OBI1: variants seen among roughly 807,000 people sequenced by gnomAD.
OBI1 encodes the protein ring finger protein 219.
OBI1 carries 59 observed loss-of-function variants against 62.4 expected under a neutral mutation model. The ratio of observed to expected loss-of-function variants is 0.95; its 90% confidence interval spans 0.77 to 1.17. The LOEUF is 1.17. Among genes scored for constraint, OBI1 ranks in the 50% most tolerant of loss-of-function variants. The pLI is 0.00. For missense variants in OBI1, 875 were observed against 830.9 expected (o/e 1.05, Z -0.65); for synonymous variants, 302 against 292.8 (o/e 1.03, Z -0.32).
At chr13:78,647,200 C>T (rs1250713917) in intron 1 of OBI1, among the ~76,000 whole-genome samples, 3 of 152,216 alleles carry the variant, frequency 2.0e-5, no homozygotes, top group Non-Finnish European at 4.4e-5. Flanking sequence ...CTGACCGTCC[C>T]CCAGCCTGAC....
chr13:78,638,868 A>C lies in OBI1; in HGVS notation c.504T>G (p.Asn168Lys). 1.2e-6 allele frequency: 2 copies of C among 1,613,734 alleles called. No homozygotes were observed. Among genetic ancestry groups the C allele is most frequent in the Non-Finnish European group, 1.7e-6 (2 of 1,179,874 alleles). Residue 168 changes from asparagine (N) to lysine (K), a missense_variant, in exon 4 of 6, where the codon AAT becomes AAG. Physicochemically the swap from Asn to Lys is moderately conservative, Grantham distance 94. Coordinates refer to ENST00000282003, the MANE Select transcript of OBI1 (RefSeq NM_024546.4). ...CATCTTTCACTTTTTCATAGATTTC[A>C]TTAGCTGTTCTGAGTTTTTTCTTCC... ...AEWKKKLRTANEIYEKVKDDV... is the reference protein window; with the variant it reads ...AEWKKKLRTAKEIYEKVKDDV...
At chr13:78,631,753 A>G (rs563877324) in intron 5 of OBI1, among the ~76,000 whole-genome samples, 1 of 152,312 alleles carries the variant, frequency 6.6e-6, no homozygotes, top group South Asian at 2.1e-4. Flanking sequence ...ATTGAAACCT[A>G]GAAGAACATG....
At chr13:78,640,418 AACT>A (rs1483066574) in intron 3 of OBI1, among the ~76,000 whole-genome samples, 1 of 152,170 alleles carries the variant, frequency 6.6e-6, no homozygotes, top group East Asian at 1.9e-4. Context: ...ATAGTTATTA[AACT>A]ACATTATTTT....
At chr13:78,620,735 C>G in intron 5 of OBI1, 1 of 438,768 alleles carries the variant, frequency 2.3e-6, no homozygotes, top group South Asian at 1.6e-5. Flanking sequence ...GGTGGTATAA[C>G]TAAACTAAAG....
chr13:78,617,319 T>TA lies in OBI1; in HGVS notation c.639-198dup, dbSNP rs1875344558. ...TTACATAATAATAAACATATGATAA[T>TA]AATAGCAAAACCTAATAGGATATTT... On this transcript the variant is annotated intron_variant, in intron 5 of 5. Coordinates refer to ENST00000282003, the MANE Select transcript of OBI1 (RefSeq NM_024546.4). 12 of 463,696 alleles carry TA rather than the reference T, an allele frequency of 2.6e-5. No individual in the cohort carries two copies. In the East Asian group the frequency reaches 4.0e-4, roughly 15 times the overall value. 28.7% of individuals were successfully genotyped at this position (463,696 alleles called of 1,614,324 possible).
chr13:78,627,497 A>G (rs1014277001), intron 5 of OBI1, among the ~76,000 whole-genome samples: 15 of 152,102 alleles, frequency 9.9e-5, no homozygotes, highest in Non-Finnish European at 5.9e-5. Flanking sequence ...TCAATGTTCA[A>G]TTTCCACTTA....
At chr13:78,633,935 C>T (rs1298469623) in intron 5 of OBI1, among the ~76,000 whole-genome samples, 3 of 151,768 alleles carry the variant, frequency 2.0e-5, no homozygotes, top group Admixed American at 6.6e-5. Flanking sequence ...GGCGAGGTGG[C>T]GGGTGCCTGT....
chr13:78,641,723 T>C, intron 3 of OBI1, among the ~76,000 whole-genome samples: 1 of 152,042 alleles, frequency 6.6e-6, no homozygotes. Flanking sequence ...CAGAAGCAAC[T>C]GATGACTGCA....
chr13:78,631,566 A>G (rs149656106), intron 5 of OBI1, among the ~76,000 whole-genome samples: 28 of 152,294 alleles, frequency 1.8e-4, no homozygotes, highest in Admixed American at 3.3e-4. Flanking sequence ...TTAGGAGTCC[A>G]AGTTAGGGGA....
intron 5 of OBI1, among the ~76,000 whole-genome samples, chr13:78,633,992 C>G (rs1053564153): frequency 1.3e-5 from 2 of 150,940 alleles, no homozygotes; most frequent in Admixed American, 6.6e-5. Context: ...GCGTAAACCC[C>G]GGGGGGCGGA....
At chr13:78,645,849 C>T (rs9593351) in intron 1 of OBI1, among the ~76,000 whole-genome samples, 40,515 of 151,976 alleles carry the variant, frequency 0.27, 5,706 homozygotes, top group East Asian at 0.32. Flanking sequence ...GGGGTTTCAC[C>T]ACATTGGTCA....
chr13:78,649,152 A>T (rs1168286286), intron 1 of OBI1, among the ~76,000 whole-genome samples: 1 of 152,210 alleles, frequency 6.6e-6, no homozygotes, highest in African/African-American at 2.4e-5. Context: ...TCAACAAGGC[A>T]GGTTTTGAGT....
intron 5 of OBI1, among the ~76,000 whole-genome samples, chr13:78,634,087 CAAAAA>C (rs1566280438): frequency 8.2e-6 from 1 of 122,038 alleles, no homozygotes; most frequent in African/African-American, 3.0e-5. Flanking sequence ...AAACAAAAAA[CAAAAA>C]ACAAAAAAAA....
rs9565430 is a variant in OBI1 at position 78,659,116 on chromosome 13, G to T, written c.5C>A (p.Ala2Asp). ...CAATGTAACATTCTGCACGGTCTGA[G>T]CCATGGCAGCGTTCAGAATCCCGCC... M[A>D]QTVQNVTLSL... The change falls in exon 1 of 6, where the codon GCT (alanine) becomes GAT (aspartate). Residue 2 changes from alanine to aspartate, a missense_variant. Transcript: ENST00000282003. The T allele has an allele frequency of 1.2e-6, 2 of 1,611,154 alleles. No individual in the cohort carries two copies. Among genetic ancestry groups the T allele is most frequent in the African/African-American group, 1.3e-5 (1 of 74,790 alleles).
chr13:78,615,397 C>A lies in OBI1; in HGVS notation c.*183G>T. On this transcript the variant is annotated 3_prime_UTR_variant, in exon 6 of 6. Coordinates refer to ENST00000282003, the MANE Select transcript of OBI1 (RefSeq NM_024546.4). ...GACTCCCAAATAAAAATGAAAAGAA[C>A]AAAGTCTTTTCAAAATGAACAATAA... is the stretch of plus-strand genomic sequence containing the variant. The A allele has an allele frequency of 2.3e-6, 1 of 441,526 alleles. No individual in the cohort carries two copies. The highest frequency in any genetic ancestry group is 4.0e-6 in the Non-Finnish European group (1 of 252,988). The allele number at this position is 441,526 out of a possible 1,614,324, so 27.4% of individuals were successfully genotyped here. A position where few individuals can be genotyped will look rare whatever the true frequency, so the allele number is the denominator to read the frequency against.
At chr13:78,652,196 T>A (rs993584436) in intron 1 of OBI1, among the ~76,000 whole-genome samples, 1 of 152,214 alleles carries the variant, frequency 6.6e-6, no homozygotes, top group Admixed American at 6.5e-5. Flanking sequence ...TATCAGATGA[T>A]GATTTCTAGA....
At chr13:78,619,382 T>C (rs1297529865) in intron 5 of OBI1, among the ~76,000 whole-genome samples, 4 of 151,562 alleles carry the variant, frequency 2.6e-5, no homozygotes, top group African/African-American at 9.7e-5. Context: ...TGGTTTGGAG[T>C]TGAAGTCAAT....
In OBI1 at chr13:78,615,677, A is replaced by C; in HGVS notation, c.2084T>G (p.Val695Gly). The C allele has an allele frequency of 2.5e-6, 4 of 1,614,048 alleles. No individual in the cohort carries two copies. The highest frequency in any genetic ancestry group is 3.4e-6 in the Non-Finnish European group (4 of 1,179,966). ...CACATTTTTATTCCTCTTTTCAGGC[A>C]CAAAGGAAGTAGACCAAGGAGACTG... is the stretch of plus-strand genomic sequence containing the variant. ...HLQSPWSTSF[V>G]PEKRNKNVNQ... Residue 695 changes from valine (V) to glycine (G), a missense_variant, in exon 6 of 6, where the codon GTG (valine) becomes GGG (glycine). Coordinates refer to ENST00000282003, the MANE Select transcript of OBI1 (RefSeq NM_024546.4).
At chr13:78,643,698 G>T (rs1019623678) in intron 2 of OBI1, among the ~76,000 whole-genome samples, 2 of 151,946 alleles carry the variant, frequency 1.3e-5, no homozygotes, top group African/African-American at 4.8e-5. Flanking sequence ...TGAGGGAGGA[G>T]AATCGCTTGA....
Sources: allele counts gnomAD v4.1 joint callset (sites outside exome capture counted in the v4.1 genomes callset), GRCh38; gene constraint gnomAD v4.1.1; transcripts MANE v1.5; gene names NCBI Gene and HGNC (gene_info 2026-07-23, HGNC 2026-07-21).